The following PTPRU variants were observed in gnomAD, a reference collection of about 807,000 sequenced individuals.
PTPRU encodes protein tyrosine phosphatase receptor type U.
Under a neutral mutation model 166.3 loss-of-function variants are expected in PTPRU, and 69 were observed. The observed-to-expected ratio is 0.41, with a 90% CI of 0.34 to 0.51. The LOEUF is 0.51. Among genes scored for constraint, PTPRU ranks in the 20% least tolerant of loss-of-function variants. The pLI, the probability that PTPRU is intolerant of heterozygous loss-of-function variation, is 0.09. For missense variants in PTPRU, 1,657 were observed against 2,013.7 expected, an observed-to-expected ratio of 0.82 and a Z score of 3.39; for synonymous variants, 793 against 814.0, an observed-to-expected ratio of 0.97 and a Z score of 0.44.
chr1:29,259,196 T>C, intron 3 of PTPRU, 65 bp from the exon 4 acceptor site: 1 of 1,506,526 alleles, frequency 6.6e-7, no homozygotes, highest in Non-Finnish European at 9.1e-7. Flanking sequence ...GAGCTGAAAG[T>C]GGGCACCTCC....
At chr1:29,299,583 T>A (rs2151961272) in intron 15 of PTPRU, among the ~76,000 whole-genome samples, 1 of 152,288 alleles carries the variant, frequency 6.6e-6, no homozygotes, top group Non-Finnish European at 1.5e-5. Context: ...CAGGCGGGAC[T>A]TTTTGCTTGT....
Position 29,284,810 on chromosome 1 carries a change from A to AG in PTPRU, c.2265dup (p.Leu756AlafsTer80), listed in dbSNP as rs764235465. 1 of 1,613,810 alleles carries AG rather than the reference A, an allele frequency of 6.2e-7. No individual in the cohort carries two copies. Among genetic ancestry groups the AG allele is most frequent in the East Asian group, 2.2e-5 (1 of 44,872 alleles). On this transcript the variant is annotated frameshift_variant, in exon 14 of 30. Transcript: ENST00000373779. LOFTEE classifies it high-confidence loss of function. ...TGGGGCTTATCCTGGGCATCTGTGC[A>AG]GGGGGGCTTGCTGTCCTCATCCTTC...
At position 29,259,534 on chromosome 1, in the gene PTPRU, A is replaced by T; in HGVS notation, c.645A>T (p.Arg215Ser). The change falls in exon 5 of 30, where the codon AGA (arginine) becomes AGT (serine). Residue 215 changes from arginine to serine, a missense_variant. Arg to Ser is a moderately radical substitution (Grantham distance 110, BLOSUM62 -1). Coordinates refer to ENST00000373779, the MANE Select transcript of PTPRU (RefSeq NM_133178.4). ...NASFQCMAAG[R>S]AAEAERFLLQ... ...CGTTCCAGTGCATGGCCGCGGGCAG[A>T]GCGGCCGAGGCCGAACGCTTCCTCT... 7.0e-7 allele frequency: 1 copy of T among 1,427,276 alleles called. No homozygotes were observed. Among genetic ancestry groups the T allele is most frequent in the Non-Finnish European group, 9.4e-7 (1 of 1,066,198 alleles). 88.4% of individuals were successfully genotyped at this position (1,427,276 alleles called of 1,614,324 possible). A position where few individuals can be genotyped will look rare whatever the true frequency, so the allele number is the denominator to read the frequency against.
intron 1 of PTPRU, among the ~76,000 whole-genome samples, chr1:29,241,143 T>C (rs1574591156): frequency 6.6e-6 from 1 of 151,980 alleles, no homozygotes; most frequent in Admixed American, 6.6e-5. Flanking sequence ...AGTAGGGAGG[T>C]AACCAGCTGC....
rs1052737303 is a variant in PTPRU at position 29,315,755 on chromosome 1, G to A, written c.3364-247G>A. Among the ~76,000 whole-genome samples the A allele has an allele frequency of 2.6e-5, 4 of 152,194 alleles. No homozygotes were observed. Among genetic ancestry groups the A allele is most frequent in the African/African-American group, 9.7e-5 (4 of 41,438 alleles). ...CTGGGATTGCATCCTCAGTGGATGTGTGACCGTGAGCTGTCCCCCACCTCT... is the reference window on the plus strand; with the variant it reads ...CTGGGATTGCATCCTCAGTGGATGTATGACCGTGAGCTGTCCCCCACCTCT... On this transcript the variant is annotated intron_variant, in intron 23 of 29. Transcript: ENST00000373779. This position sits in a 1 kb window ranked among gnomAD's most constrained non-coding sequence, Gnocchi z 4.5.
chr1:29,251,126 G>A (rs1299490182), intron 1 of PTPRU, among the ~76,000 whole-genome samples: 1 of 152,196 alleles, frequency 6.6e-6, no homozygotes, highest in Non-Finnish European at 1.5e-5. Flanking sequence ...GGTGGCACGT[G>A]CCTATAATTC....
intron 7 of PTPRU, among the ~76,000 whole-genome samples, chr1:29,274,915 T>C (rs1200586709): frequency 1.3e-5 from 2 of 151,986 alleles, no homozygotes; most frequent in African/African-American, 2.4e-5. Context: ...CCAGGCGTGG[T>C]GGTGTACGCC....
At chr1:29,272,164 A>G (rs1012360104) in intron 7 of PTPRU, among the ~76,000 whole-genome samples, 17 of 152,358 alleles carry the variant, frequency 1.1e-4, no homozygotes, top group Non-Finnish European at 2.4e-4. Context: ...GATGGCTTAA[A>G]ACAAAACTAC....
At position 29,280,459 on chromosome 1, in the gene PTPRU, T is replaced by C. The variant is rs927711901; in HGVS notation, c.1868+318T>C. 1.3e-5 allele frequency among the ~76,000 whole-genome samples: 2 copies of C among 152,088 alleles called. No individual in the cohort carries two copies. The highest frequency in any genetic ancestry group is 2.9e-5 in the Non-Finnish European group (2 of 68,010). ...TGGAGAAGTGAAACTCTGGGGGCCT[T>C]ATATCATCCCAGCCTTTTCCTGGAA... On this transcript the variant is annotated intron_variant, in intron 11 of 29. Transcript: ENST00000373779. The surrounding 1 kb of genome is among the most constrained non-coding windows in gnomAD (Gnocchi z 4.2).
chr1:29,306,754 TCC>T (rs1205257231), intron 18 of PTPRU, among the ~76,000 whole-genome samples: 1 of 152,174 alleles, frequency 6.6e-6, no homozygotes, highest in Non-Finnish European at 1.5e-5. Context: ...GCCTCTCCTC[TCC>T]CTCTTCTTCT....
chr1:29,293,915 GC>G (rs1484742926), intron 15 of PTPRU, among the ~76,000 whole-genome samples: 2 of 152,192 alleles, frequency 1.3e-5, no homozygotes, highest in Non-Finnish European at 2.9e-5. Flanking sequence ...TGGATGTTTT[GC>G]TGCAGTTCAT....
At chr1:29,287,539 A>G (rs112498984) in intron 14 of PTPRU, among the ~76,000 whole-genome samples, 179 of 149,484 alleles carry the variant, frequency 1.2e-3, no homozygotes, top group African/African-American at 4.2e-3. Context: ...CCCGGTGCTG[A>G]GGCCTCACAG....
At position 29,239,441 on chromosome 1, in the gene PTPRU, C is replaced by T. The variant is rs187398170; in HGVS notation, c.73+2724C>T. Among the ~76,000 whole-genome samples the T allele has an allele frequency of 3.5e-4, 54 of 152,264 alleles. No homozygotes were observed. In the East Asian group the frequency reaches 9.3e-3, roughly 26 times the overall value. On this transcript the variant is annotated intron_variant, in intron 1 of 29. Coordinates refer to ENST00000373779, the MANE Select transcript of PTPRU (RefSeq NM_133178.4). ...TAAAGGCTTGTCTGGGCATCCCTCC[C>T]TTTTCCCTGGGGCTAGGGGAGGGGA...
rs376493752 is a variant in PTPRU at position 29,282,736 on chromosome 1, A to G, written c.1929A>G (p.Gly643=). 4.3e-6 allele frequency: 7 copies of G among 1,613,768 alleles called. No individual in the cohort carries two copies. The highest frequency in any genetic ancestry group is 5.1e-6 in the Non-Finnish European group (6 of 1,180,008). ...RARRLRREPG[G]QDCFPVPLTF... ...GGAGGCTGCGGCGGGAGCCAGGTGG[A>G]CAGGACTGCTTCCCAGTGCCATTGA... The change falls in exon 12 of 30, where the codon GGA becomes GGG. Residue 643 remains glycine, a synonymous_variant. Transcript: ENST00000373779.
rs1685982624 is a variant in PTPRU, at chr1:29,279,900, G to C, written c.1766-139G>C. 5.0e-6 allele frequency: 5 copies of C among 999,558 alleles called. No individual in the cohort carries two copies. In the Admixed American group the frequency reaches 9.6e-5, roughly 19 times the overall value. The allele number at this position is 999,558 out of a possible 1,614,324, so 61.9% of individuals were successfully genotyped here. A position where few individuals can be genotyped will look rare whatever the true frequency, so the allele number is the denominator to read the frequency against. Reference sequence around the variant, plus strand: ...GTGCCTGAGGTCAGGGGCCAGGGTAGCTCAGGTCATGTCAGCAGGAACAAA... The same window carrying C: ...GTGCCTGAGGTCAGGGGCCAGGGTACCTCAGGTCATGTCAGCAGGAACAAA... On this transcript the variant is annotated intron_variant, in intron 10 of 29. Transcript: ENST00000373779. The surrounding 1 kb of genome is among the most constrained non-coding windows in gnomAD (Gnocchi z 5.2).
intron 1 of PTPRU, among the ~76,000 whole-genome samples, chr1:29,240,124 C>G (rs866597577): frequency 6.6e-6 from 1 of 152,180 alleles, no homozygotes. Context: ...CTTTCTAACT[C>G]CAGCTTTTTG....
chr1:29,317,909 A>G lies in PTPRU; in HGVS notation c.3675A>G (p.Ala1225=). 6.2e-7 allele frequency: 1 copy of G among 1,613,920 alleles called. No homozygotes were observed. The highest frequency in any genetic ancestry group is 8.5e-7 in the Non-Finnish European group (1 of 1,180,002). Residue 1225 remains alanine (A), a synonymous_variant, in exon 25 of 30, where the codon GCA becomes GCG. Coordinates refer to ENST00000373779, the MANE Select transcript of PTPRU (RefSeq NM_133178.4). The surrounding 1 kb of genome is among the most constrained non-coding windows in gnomAD (Gnocchi z 5.6). The stretch of plus-strand genomic sequence containing the variant: ...GGGACTCCAACAACTACATTAATGC[A>G]GCCCTGACTGACGTGAGAGCTTGGG... ...TDGDSNNYIN[A]ALTDSYTRSA...
chr1:29,284,060 G>T, intron 13 of PTPRU, 84 bp downstream of exon 13: 1 of 1,539,122 alleles, frequency 6.5e-7, no homozygotes, highest in South Asian at 1.1e-5. Context: ...GAGGACCTAC[G>T]GCTGTGGGAG....
At chr1:29,319,594 G>A (rs1443928675) in intron 25 of PTPRU, among the ~76,000 whole-genome samples, 1 of 152,248 alleles carries the variant, frequency 6.6e-6, no homozygotes, top group Non-Finnish European at 1.5e-5. Flanking sequence ...GCTGGGCCTG[G>A]CCTTGAGGAG....
Sources: allele counts gnomAD v4.1 joint callset (sites outside exome capture counted in the v4.1 genomes callset), GRCh38; gene constraint gnomAD v4.1.1; non-coding constraint Gnocchi (gnomAD v3.1); transcripts MANE v1.5; gene names NCBI Gene and HGNC (gene_info 2026-07-23, HGNC 2026-07-21).